RAD52: variants seen among roughly 807,000 people sequenced by gnomAD.
RAD52 encodes DNA repair protein RAD52 homolog.
Under a neutral mutation model 55.5 loss-of-function variants are expected in RAD52, and 47 were observed. The observed-to-expected ratio is 0.85, with a 90% CI of 0.67 to 1.08. The LOEUF is 1.08. RAD52 is among the 50% of genes least tolerant of loss of function. The probability of loss-of-function intolerance (pLI) is 0.00; values close to 1 mark genes in which losing one functional copy is unlikely to be tolerated. For missense variants in RAD52, 468 were observed against 522.8 expected, an observed-to-expected ratio of 0.90 and a Z score of 1.02; for synonymous variants, 184 against 198.9, an observed-to-expected ratio of 0.92 and a Z score of 0.63.
upstream of RAD52, among the ~76,000 whole-genome samples, chr12:952,122 CTAAGTAA>C (rs1481000465): frequency 6.6e-6 from 1 of 152,138 alleles, no homozygotes; most frequent in African/African-American, 2.4e-5. Context: ...ACATGCCCAG[CTAAGTAA>C]AAAAACATTT....
Position 929,851 on chromosome 12 carries a change from C to T in RAD52, c.316G>A (p.Gly106Arg). The T allele has an allele frequency of 6.2e-7, 1 of 1,614,054 alleles. No individual in the cohort carries two copies. The highest frequency in any genetic ancestry group is 8.5e-7 in the Non-Finnish European group (1 of 1,179,962). Residue 106 changes from glycine to arginine, a missense_variant, in exon 5 of 12, where the codon GGA becomes AGA. Gly to Arg is a moderately radical substitution (Grantham distance 125). Transcript: ENST00000358495. ...VDLNNGKFYV[G>R]VCAFVRVQLK... ...TGGACCCTCACAAATGCACAGACTCCCACGTAGAACTTGCCATTGTTGAGG... is the reference window on the plus strand; with the variant it reads ...TGGACCCTCACAAATGCACAGACTCTCACGTAGAACTTGCCATTGTTGAGG...
intron 5 of RAD52, among the ~76,000 whole-genome samples, chr12:928,158 A>C (rs1000841545): frequency 1.3e-5 from 2 of 152,180 alleles, no homozygotes; most frequent in Admixed American, 6.6e-5. Context: ...TAGATACAAG[A>C]TTTTTTAGTA....
At chr12:973,945 C>T (rs555380589) in intron 1 of RAD52, among the ~76,000 whole-genome samples, 1 of 152,112 alleles carries the variant, frequency 6.6e-6, no homozygotes, top group East Asian at 1.9e-4. Context: ...ACCACCACAC[C>T]TGGCTTATTT....
At position 927,369 on chromosome 12, in the gene RAD52, C is replaced by T. The variant is rs1235318439; in HGVS notation, c.349-106G>A. On this transcript the variant is annotated intron_variant, in intron 5 of 11. Transcript: ENST00000358495. Reference sequence around the variant, plus strand: ...TTCAAAGCCGGACTCTCCCACCTGGCGGCCTTGCTACAGGGGCACGGGCAG... The same window carrying T: ...TTCAAAGCCGGACTCTCCCACCTGGTGGCCTTGCTACAGGGGCACGGGCAG... The T allele has an allele frequency of 1.3e-5, 11 of 838,340 alleles. No individual in the cohort carries two copies. The East Asian group carries it at 1.5e-4, about 11-fold the overall frequency. The allele number at this position is 838,340 out of a possible 1,614,324, so 51.9% of individuals were successfully genotyped here.
chr12:963,239 A>C (rs1040284473), intron 1 of RAD52, among the ~76,000 whole-genome samples: 2 of 152,134 alleles, frequency 1.3e-5, no homozygotes, highest in African/African-American at 4.8e-5. Flanking sequence ...CAATCTTTTT[A>C]GCCAAGGACT....
At chr12:983,650 C>A (rs1287080011) in intron 1 of RAD52, among the ~76,000 whole-genome samples, 2 of 152,148 alleles carry the variant, frequency 1.3e-5, no homozygotes, top group Non-Finnish European at 2.9e-5. Flanking sequence ...CAACTCCTGA[C>A]CTCAGGTGGT....
chr12:925,615 C>A, intron 6 of RAD52, 90 bp from the exon 7 acceptor site: 1 of 1,071,252 alleles, frequency 9.3e-7, no homozygotes, highest in Non-Finnish European at 1.4e-6. Flanking sequence ...GTACAGGTTG[C>A]TTCTCAGGAG....
At chr12:922,918 C>T (rs1956815167) in intron 7 of RAD52, among the ~76,000 whole-genome samples, 1 of 152,058 alleles carries the variant, frequency 6.6e-6, no homozygotes, top group African/African-American at 2.4e-5. Flanking sequence ...GCAGCCTCCA[C>T]CTCCCAGGTT....
At chr12:991,040 C>T (rs1403801639), upstream of RAD52, 1 of 152,014 alleles carries the variant, frequency 6.6e-6, no homozygotes, top group Non-Finnish European at 1.5e-5. Flanking sequence ...CCCCGCTTCC[C>T]AGTTCCTCAC....
intron 2 of RAD52, among the ~76,000 whole-genome samples, chr12:931,699 C>A (rs1399383006): frequency 6.6e-6 from 1 of 152,240 alleles, no homozygotes; most frequent in African/African-American, 2.4e-5. Flanking sequence ...GCTGCTGCTA[C>A]CATCCTTATA....
At chr12:978,915 T>TAGAC (rs1555183692) in intron 1 of RAD52, among the ~76,000 whole-genome samples, 57 of 151,726 alleles carry the variant, frequency 3.8e-4, no homozygotes, top group East Asian at 3.5e-3. Flanking sequence ...GATAGATAGA[T>TAGAC]AGACAGACAG....
intron 6 of RAD52, among the ~76,000 whole-genome samples, chr12:926,421 T>C (rs1394897376): frequency 2.0e-5 from 3 of 152,040 alleles, no homozygotes; most frequent in African/African-American, 7.2e-5. Context: ...GGAAGATCAC[T>C]TCAGCCCAGG....
chr12:921,229 A>G (rs529355168), intron 7 of RAD52, among the ~76,000 whole-genome samples: 1 of 152,304 alleles, frequency 6.6e-6, no homozygotes, highest in South Asian at 2.1e-4. Flanking sequence ...TTACACCCAA[A>G]GCTAGAAGAA....
upstream of RAD52, chr12:990,269 AAT>A (rs1341290861): frequency 6.6e-6 from 1 of 152,138 alleles, no homozygotes; most frequent in Admixed American, 6.5e-5. Flanking sequence ...GAATAAATAT[AAT>A]TCACACCATT....
At chr12:939,074 GTGTGTGTGTGT>G (rs1472597677) in intron 1 of RAD52, among the ~76,000 whole-genome samples, 3 of 123,878 alleles carry the variant, frequency 2.4e-5, no homozygotes, top group Non-Finnish European at 5.4e-5. Context: ...GTGTGTGTGT[GTGTGTGTGTGT>G]AGAGAGAGAG....
rs1957234375 is a variant in RAD52, at chr12:929,844, C to G, written c.323G>C (p.Cys108Ser). 1 of 1,613,962 alleles carries G rather than the reference C, an allele frequency of 6.2e-7. No homozygotes were observed. The highest frequency in any genetic ancestry group is 8.5e-7 in the Non-Finnish European group (1 of 1,179,956). The part of the protein sequence containing the change: ...LNNGKFYVGV[C>S]AFVRVQLKDG... Reference sequence around the variant, plus strand: ...CTTCAGCTGGACCCTCACAAATGCACAGACTCCCACGTAGAACTTGCCATT... The same window carrying G: ...CTTCAGCTGGACCCTCACAAATGCAGAGACTCCCACGTAGAACTTGCCATT... Residue 108 changes from cysteine to serine, a missense_variant, in exon 5 of 12, where the codon TGT becomes TCT. Cys to Ser is a moderately radical substitution (Grantham distance 112). Coordinates refer to ENST00000358495, the MANE Select transcript of RAD52 (RefSeq NM_134424.4).
chr12:985,690 T>C (rs772440679), intron 1 of RAD52, among the ~76,000 whole-genome samples: 7 of 152,186 alleles, frequency 4.6e-5, no homozygotes, highest in Non-Finnish European at 8.8e-5. Flanking sequence ...TTTATTTATT[T>C]ATTTATTTTG....
intron 1 of RAD52, among the ~76,000 whole-genome samples, chr12:943,792 GT>G (rs760261022): frequency 3.1e-5 from 3 of 97,170 alleles, no homozygotes; most frequent in South Asian, 8.0e-4. Flanking sequence ...TTTTTTTTGG[GT>G]TTTTTTTGCT....
At chr12:966,413 C>A (rs1958770738) in intron 1 of RAD52, among the ~76,000 whole-genome samples, 1 of 152,004 alleles carries the variant, frequency 6.6e-6, no homozygotes, top group African/African-American at 2.4e-5. Flanking sequence ...AGACTAGAAA[C>A]CATGAACTGA....
Sources: allele counts gnomAD v4.1 joint callset (sites outside exome capture counted in the v4.1 genomes callset), GRCh38; gene constraint gnomAD v4.1.1; transcripts MANE v1.5; gene names NCBI Gene and HGNC (gene_info 2026-07-23, HGNC 2026-07-21).